ARHGAP23: variants seen among roughly 807,000 people sequenced by gnomAD.
ARHGAP23 encodes rho GTPase-activating protein 23.
A neutral mutation model predicts 136.3 loss-of-function variants in ARHGAP23; 34 were observed. The observed-to-expected ratio is 0.25, with a 90% CI of 0.19 to 0.33. The LOEUF is 0.33. Ranked by LOEUF, ARHGAP23 falls within the 10% of genes least tolerant of loss-of-function variation. The pLI, the probability that ARHGAP23 is intolerant of heterozygous loss-of-function variation, is 1.00. For missense variants in ARHGAP23, 1,808 were observed against 2,139.0 expected (o/e 0.85, Z 3.05); for synonymous variants, 832 against 920.5 (o/e 0.90, Z 1.74).
At chr17:38,423,897 C>T (rs947836451), upstream of ARHGAP23, among the ~76,000 whole-genome samples, 5 of 152,088 alleles carry the variant, frequency 3.3e-5, no homozygotes, top group Non-Finnish European at 7.4e-5. Flanking sequence ...TGTAGGTGCC[C>T]GTGCCCCATA....
chr17:38,477,286 G>C lies in ARHGAP23; in HGVS notation c.2119-293G>C, dbSNP rs1161795321. ...ATGGAGGGCCATGCTGGGTGTCTGAGCATTGCCACCGCTCGGTGAGTGTTG... is the reference window on the plus strand; with the variant it reads ...ATGGAGGGCCATGCTGGGTGTCTGACCATTGCCACCGCTCGGTGAGTGTTG... On this transcript the variant is annotated intron_variant, in intron 11 of 23. Coordinates refer to ENST00000622683, the MANE Select transcript of ARHGAP23 (RefSeq NM_001199417.2). This position sits in a 1 kb window ranked among gnomAD's most constrained non-coding sequence, Gnocchi z 6.6. 6.6e-6 allele frequency among the ~76,000 whole-genome samples: 1 copy of C among 151,892 alleles called. No homozygotes were observed. Among genetic ancestry groups the C allele is most frequent in the Admixed American group, 6.6e-5 (1 of 15,254 alleles).
Position 38,490,049 on chromosome 17 carries a change from A to G in ARHGAP23, c.2987-53A>G, listed in dbSNP as rs2040239152. 3 of 1,515,116 alleles carry G rather than the reference A, an allele frequency of 2.0e-6. No individual in the cohort carries two copies. The Admixed American group carries it at 5.9e-5, about 30-fold the overall frequency. 93.9% of individuals were successfully genotyped at this position (1,515,116 alleles called of 1,614,324 possible). On this transcript the variant is annotated intron_variant, in intron 17 of 23. Transcript: ENST00000622683. ...TCCCAGCAGGGCCCTTGGCCGGGAG[A>G]ACAGGGGAAGGCGCTGCCCCCACCT...
At chr17:38,495,486 G>C (rs2040372573) in intron 20 of ARHGAP23, among the ~76,000 whole-genome samples, 1 of 152,128 alleles carries the variant, frequency 6.6e-6, no homozygotes, top group South Asian at 2.1e-4. Flanking sequence ...ACCTGCCTCA[G>C]CCTCCCAAAG....
intron 6 of ARHGAP23, among the ~76,000 whole-genome samples, chr17:38,464,792 C>G (rs1404914951): frequency 1.3e-5 from 2 of 152,178 alleles, no homozygotes; most frequent in Non-Finnish European, 2.9e-5. Context: ...GGGCTGGCAG[C>G]GCCAGATGAC....
At chr17:38,507,166 C>T (rs1472198702) in intron 23 of ARHGAP23, among the ~76,000 whole-genome samples, 3 of 151,662 alleles carry the variant, frequency 2.0e-5, no homozygotes, top group Non-Finnish European at 4.4e-5. Context: ...CCCAGCTACT[C>T]GGGAGGCTGA....
intron 17 of ARHGAP23, among the ~76,000 whole-genome samples, chr17:38,487,558 A>G (rs554720763): frequency 1.3e-5 from 2 of 152,260 alleles, no homozygotes; most frequent in African/African-American, 4.8e-5. Context: ...ACAGCATTGG[A>G]TATTATAACT....
intron 2 of ARHGAP23, among the ~76,000 whole-genome samples, chr17:38,458,806 C>T (rs72823853): frequency 0.053 from 8,115 of 152,294 alleles, 283 homozygotes; most frequent in Middle Eastern, 0.16. Flanking sequence ...CCCAGAGTTC[C>T]GGTCCTGGGA....
At chr17:38,491,826 G>A in intron 20 of ARHGAP23, 1 of 436,804 alleles carries the variant, frequency 2.3e-6, no homozygotes, top group South Asian at 3.8e-5. Flanking sequence ...AGGAAGGGCA[G>A]GGAAGGTGCT....
chr17:38,483,029 A>G (rs1180548653), intron 16 of ARHGAP23, among the ~76,000 whole-genome samples: 2 of 152,204 alleles, frequency 1.3e-5, no homozygotes, highest in African/African-American at 2.4e-5. Flanking sequence ...GGCCTGCTCA[A>G]TGGTGTAGAC....
intron 1 of ARHGAP23, among the ~76,000 whole-genome samples, chr17:38,445,171 AAAAT>A (rs2039003965): frequency 6.6e-6 from 1 of 151,928 alleles, no homozygotes; most frequent in Non-Finnish European, 1.5e-5. Flanking sequence ...AAAAAATCAC[AAAAT>A]ATATAATACG....
At chr17:38,433,413 G>C (rs549863374) in intron 1 of ARHGAP23, among the ~76,000 whole-genome samples, 1 of 152,184 alleles carries the variant, frequency 6.6e-6, no homozygotes, top group Non-Finnish European at 1.5e-5. Flanking sequence ...ATGCACTTTT[G>C]CCTCAGTAAA....
intron 1 of ARHGAP23, among the ~76,000 whole-genome samples, chr17:38,453,484 A>C (rs1249349806): frequency 1.4e-5 from 2 of 143,366 alleles, no homozygotes; most frequent in Non-Finnish European, 3.1e-5. Flanking sequence ...GGAAGGGTGC[A>C]AGGTGTGCGG....
intron 14 of ARHGAP23, among the ~76,000 whole-genome samples, chr17:38,481,385 G>A (rs1163173661): frequency 6.6e-6 from 1 of 152,026 alleles, no homozygotes; most frequent in Non-Finnish European, 1.5e-5. Flanking sequence ...CTGACCTCGT[G>A]ATCCGCCCGC....
At chr17:38,460,384 CT>C (rs1256744247) in intron 2 of ARHGAP23, among the ~76,000 whole-genome samples, 2 of 152,188 alleles carry the variant, frequency 1.3e-5, no homozygotes, top group African/African-American at 4.8e-5. Context: ...GATTCAGCCC[CT>C]GGTGTGCTGT....
intron 7 of ARHGAP23, among the ~76,000 whole-genome samples, chr17:38,468,669 A>G (rs12450217): frequency 0.47 from 71,719 of 151,994 alleles, 17,158 homozygotes; most frequent in South Asian, 0.59. Flanking sequence ...CTTCCACAGC[A>G]CAGTCTGTTT....
At chr17:38,467,396 C>T (rs187282060) in intron 7 of ARHGAP23, 65 bp downstream of exon 7, 2 of 1,408,110 alleles carry the variant, frequency 1.4e-6, no homozygotes, top group East Asian at 2.6e-5. Context: ...TCCTGCTGTA[C>T]CCCATCTGCC....
Position 38,469,640 on chromosome 17 carries a change from G to A in ARHGAP23, c.1916+5G>A. The A allele has an allele frequency of 6.5e-7, 1 of 1,548,190 alleles. No individual in the cohort carries two copies. The highest frequency in any genetic ancestry group is 8.7e-7 in the Non-Finnish European group (1 of 1,146,366). On this transcript the variant is annotated splice_donor_5th_base_variant and intron_variant, in intron 9 of 23. Coordinates refer to ENST00000622683, the MANE Select transcript of ARHGAP23 (RefSeq NM_001199417.2). ...CGACGAGGGCCGGGTTCTGCGGTGA[G>A]GCCCTGTCCGGACACGGGGTGGGGT... is the stretch of plus-strand genomic sequence containing the variant.
At chr17:38,484,144 C>A (rs2040108760) in intron 16 of ARHGAP23, among the ~76,000 whole-genome samples, 2 of 152,048 alleles carry the variant, frequency 1.3e-5, no homozygotes, top group African/African-American at 4.8e-5. Context: ...GGAGAAGTCA[C>A]TGATCTATGG....
chr17:38,484,684 G>A (rs536002200), intron 16 of ARHGAP23, among the ~76,000 whole-genome samples: 2 of 152,280 alleles, frequency 1.3e-5, no homozygotes, highest in Middle Eastern at 3.4e-3. Context: ...GGCAGGAGCC[G>A]CACTGGGTGT....
Sources: allele counts gnomAD v4.1 joint callset (sites outside exome capture counted in the v4.1 genomes callset), GRCh38; gene constraint gnomAD v4.1.1; non-coding constraint Gnocchi (gnomAD v3.1); transcripts MANE v1.5; gene names NCBI Gene and HGNC (gene_info 2026-07-23, HGNC 2026-07-21).